Variants in CTHRC1 observed in about 807,000 individuals in gnomAD.
CTHRC1 encodes collagen triple helix repeat containing 1, also known as collagen triple helix repeat-containing protein 1.
In CTHRC1, 21 loss-of-function variants were observed where a neutral mutation model predicts 25.9. That is an observed-to-expected ratio of 0.81 (90% CI 0.57 to 1.17). The LOEUF (loss-of-function observed/expected upper bound fraction) is 1.17. Ranked by LOEUF, CTHRC1 falls within the 50% of genes most tolerant of loss-of-function variation. The pLI, the probability that CTHRC1 is intolerant of heterozygous loss-of-function variation, is 0.00. For synonymous variants in CTHRC1, 109 were observed against 113.1 expected (o/e 0.96, Z 0.23); for missense variants, 281 against 304.3 (o/e 0.92, Z 0.57).
At chr8:103,372,306 C>A in intron 1 of CTHRC1, 3 of 652,860 alleles carry the variant, frequency 4.6e-6, no homozygotes, top group Non-Finnish European at 7.0e-6. Context: ...AGAATAACAA[C>A]CCCCACAAAG....
intron 1 of CTHRC1, among the ~76,000 whole-genome samples, chr8:103,372,148 G>A (rs1284220339): frequency 1.3e-5 from 2 of 152,120 alleles, no homozygotes; most frequent in African/African-American, 4.8e-5. Context: ...GGGATAGGGC[G>A]GCAGTGAGAG....
At chr8:103,377,353 T>C (rs1321251100) in intron 2 of CTHRC1, 1 of 153,996 alleles carries the variant, frequency 6.5e-6, no homozygotes, top group Non-Finnish European at 1.4e-5. Context: ...AACTGCTCTA[T>C]CTGTACCATT....
chr8:103,382,881 T>A lies in CTHRC1; in HGVS notation c.*281T>A, dbSNP rs1193456616. 1 of 319,148 alleles carries A rather than the reference T, an allele frequency of 3.1e-6. No homozygotes were observed. Among genetic ancestry groups the A allele is most frequent in the African/African-American group, 2.1e-5 (1 of 46,514 alleles). The allele number at this position is 319,148 out of a possible 1,614,324, so 19.8% of individuals were successfully genotyped here. A position where few individuals can be genotyped will look rare whatever the true frequency, so the allele number is the denominator to read the frequency against. On this transcript the variant is annotated 3_prime_UTR_variant, in exon 4 of 4. Coordinates refer to ENST00000330295, the MANE Select transcript of CTHRC1 (RefSeq NM_138455.4). ...AATATTGTTGTGGTCTTTTGTTTTT[T>A]CTCTTAGTATAGCATTTTTAAAAAA...
chr8:103,372,294 A>G, intron 1 of CTHRC1: 1 of 586,996 alleles, frequency 1.7e-6, no homozygotes, highest in Non-Finnish European at 2.7e-6. Context: ...TGCCTGCGAG[A>G]GAGAATAACA....
At chr8:103,372,564 G>T in intron 1 of CTHRC1, 1 of 1,598,392 alleles carries the variant, frequency 6.3e-7, no homozygotes, top group Non-Finnish European at 8.5e-7. Context: ...GTGGCCGCCA[G>T]GTAGGAGCAT....
intron 3 of CTHRC1, among the ~76,000 whole-genome samples, chr8:103,380,802 C>T (rs921854700): frequency 1.3e-5 from 2 of 152,156 alleles, no homozygotes; most frequent in African/African-American, 4.8e-5. Flanking sequence ...CCTGGGAAAA[C>T]ATGAGCATTT....
chr8:103,371,886 T>A, intron 1 of CTHRC1, 80 bp downstream of exon 1: 1 of 1,370,982 alleles, frequency 7.3e-7, no homozygotes, highest in South Asian at 1.5e-5. Context: ...AGGGCGTCAG[T>A]CTGGCTGTTG....
chr8:103,379,064 A>C (rs184190257), intron 3 of CTHRC1, among the ~76,000 whole-genome samples: 1 of 152,298 alleles, frequency 6.6e-6, no homozygotes, highest in East Asian at 1.9e-4. Flanking sequence ...CAGACTAATA[A>C]GGAGACTGAT....
intron 2 of CTHRC1, among the ~76,000 whole-genome samples, chr8:103,377,628 G>C (rs1050787190): frequency 4.6e-5 from 7 of 152,106 alleles, no homozygotes; most frequent in Non-Finnish European, 1.0e-4. Context: ...TTTTGAGACA[G>C]AGTCTCACTT....
At position 103,378,078 on chromosome 8, in the gene CTHRC1, A is replaced by C. The variant is rs374472802; in HGVS notation, c.424A>C (p.Ser142Arg). Residue 142 changes from serine (S) to arginine (R), a missense_variant, in exon 3 of 4, where the codon AGT becomes CGT. Coordinates refer to ENST00000330295, the MANE Select transcript of CTHRC1 (RefSeq NM_138455.4). ...AAATAGTGCTCTAAGAGTTTTGTTC[A>C]GTGGCTCACTTCGGCTAAAATGCAG... ...RSNSALRVLF[S>R]GSLRLKCRNA... 5 of 1,614,090 alleles carry C rather than the reference A, an allele frequency of 3.1e-6. No homozygotes were observed. The African/African-American group carries it at 6.7e-5, about 22-fold the overall frequency.
At chr8:103,382,158 C>CT (rs1384131412) in intron 3 of CTHRC1, among the ~76,000 whole-genome samples, 13 of 151,898 alleles carry the variant, frequency 8.6e-5, no homozygotes, top group Admixed American at 8.5e-4. Context: ...AAATAAATTG[C>CT]TTTTTTGTTT....
intron 1 of CTHRC1, chr8:103,372,460 G>T (rs1815724536): frequency 1.3e-6 from 2 of 1,559,664 alleles, no homozygotes; most frequent in Non-Finnish European, 1.7e-6. Context: ...AAAGGGAAAT[G>T]AAGGGGCCCG....
chr8:103,371,896 G>C lies in CTHRC1; in HGVS notation c.150+90G>C, dbSNP rs1035425055. The C allele has an allele frequency of 2.3e-5, 30 of 1,294,738 alleles. No individual in the cohort carries two copies. In the African/African-American group the frequency reaches 4.1e-4, roughly 18 times the overall value. 80.2% of individuals were successfully genotyped at this position (1,294,738 alleles called of 1,614,324 possible). A position where few individuals can be genotyped will look rare whatever the true frequency, so the allele number is the denominator to read the frequency against. ...CGGGCAGGGCGTCAGTCTGGCTGTT[G>C]GGGGTGTCTGTCTGTACAGCTGTGT... On this transcript the variant is annotated intron_variant, in intron 1 of 3. Coordinates refer to ENST00000330295, the MANE Select transcript of CTHRC1 (RefSeq NM_138455.4).
At position 103,374,877 on chromosome 8, in the gene CTHRC1, A is replaced by G. The variant is rs369379376; in HGVS notation, c.151-861A>G. Among the ~76,000 whole-genome samples the G allele has an allele frequency of 3.2e-4, 49 of 152,352 alleles. No homozygotes were observed. In the East Asian group the frequency reaches 4.6e-3, roughly 14 times the overall value. On this transcript the variant is annotated intron_variant, in intron 1 of 3. Transcript: ENST00000330295. The stretch of plus-strand genomic sequence containing the variant: ...TGTTGAGTAATTTGCCCTATCTCAC[A>G]GAGCTAATGTAAGGTGGAGCCGGGA...
At position 103,382,634 on chromosome 8, in the gene CTHRC1, A is replaced by G. The variant is rs752783129; in HGVS notation, c.*34A>G. ...ATTTTCATTTGCTACCTCTTTTTTT[A>G]TTATGCCTTGGAATGGTTCACTTAA... On this transcript the variant is annotated 3_prime_UTR_variant, in exon 4 of 4. Coordinates refer to ENST00000330295, the MANE Select transcript of CTHRC1 (RefSeq NM_138455.4). 1 of 1,561,436 alleles carries G rather than the reference A, an allele frequency of 6.4e-7. No individual in the cohort carries two copies. The highest frequency in any genetic ancestry group is 1.1e-5 in the South Asian group (1 of 89,990).
At position 103,371,616 on chromosome 8, in the gene CTHRC1, TC is replaced by T; in HGVS notation, c.-39del. On this transcript the variant is annotated 5_prime_UTR_variant, in exon 1 of 4. Coordinates refer to ENST00000330295, the MANE Select transcript of CTHRC1 (RefSeq NM_138455.4). ...GCTGACCACGTTCCTCTCCTCGGTC[TC>T]CTCCGCCTCCAGCTCCGCGCTGCCC... 6.6e-7 allele frequency: 1 copy of T among 1,525,840 alleles called. No homozygotes were observed. Among genetic ancestry groups the T allele is most frequent in the Non-Finnish European group, 8.8e-7 (1 of 1,138,382 alleles). The allele number at this position is 1,525,840 out of a possible 1,614,324, so 94.5% of individuals were successfully genotyped here.
chr8:103,372,803 A>G, intron 1 of CTHRC1: 1 of 596,348 alleles, frequency 1.7e-6, no homozygotes. Context: ...CTTGCAGACA[A>G]ACATGATTTA....
chr8:103,371,574 G>C lies in CTHRC1; in HGVS notation c.-83G>C. On this transcript the variant is annotated 5_prime_UTR_variant, in exon 1 of 4. Coordinates refer to ENST00000330295, the MANE Select transcript of CTHRC1 (RefSeq NM_138455.4). ...TGATGCAGCCTGCGGCGGCCTCGGA[G>C]CGCGGCGGAGCCAGACGCTGACCAC... 5.5e-6 allele frequency: 8 copies of C among 1,445,244 alleles called. No homozygotes were observed. The highest frequency in any genetic ancestry group is 7.4e-6 in the Non-Finnish European group (8 of 1,079,154). 89.5% of individuals were successfully genotyped at this position (1,445,244 alleles called of 1,614,324 possible).
intron 1 of CTHRC1, among the ~76,000 whole-genome samples, chr8:103,373,666 T>C (rs1470064345): frequency 6.8e-6 from 1 of 147,872 alleles, no homozygotes; most frequent in African/African-American, 2.5e-5. Context: ...CTGTCCGTTG[T>C]CGCGTGTTTA....
Sources: gnomAD v4.1 joint callset for allele counts (sites outside exome capture counted in the v4.1 genomes callset) on GRCh38, gnomAD v4.1.1 for gene constraint, MANE v1.5 for transcripts, NCBI Gene and HGNC (gene_info 2026-07-23, HGNC 2026-07-21) for gene names.